Variants in RUNX1T1 observed in about 807,000 individuals in gnomAD.
RUNX1T1 encodes protein CBFA2T1.
RUNX1T1 carries 4 observed loss-of-function variants against 62.8 expected under a neutral mutation model. That is an observed-to-expected ratio of 0.06 (90% CI 0.03 to 0.15). RUNX1T1 has a LOEUF of 0.15. Ranked by LOEUF, RUNX1T1 falls within the 10% of genes least tolerant of loss-of-function variation. The pLI is 1.00. For missense variants in RUNX1T1, 508 were observed against 754.3 expected (o/e 0.67, Z 3.82); for synonymous variants, 291 against 286.0 (o/e 1.02, Z -0.18).
chr8:92,003,008 C>T (rs1195275447), intron 5 of RUNX1T1, among the ~76,000 whole-genome samples: 3 of 152,178 alleles, frequency 2.0e-5, no homozygotes, highest in Middle Eastern at 3.2e-3. Flanking sequence ...ACCCTTCCTC[C>T]TAACTCTAAG....
chr8:92,013,177 G>T (rs1252185464), intron 3 of RUNX1T1, among the ~76,000 whole-genome samples: 2 of 152,078 alleles, frequency 1.3e-5, no homozygotes, highest in African/African-American at 4.8e-5. Context: ...TGTTAAAAAA[G>T]CTTATTATGC....
upstream of RUNX1T1, among the ~76,000 whole-genome samples, chr8:92,101,305 G>A (rs1838023498): frequency 6.6e-6 from 1 of 152,170 alleles, no homozygotes; most frequent in African/African-American, 2.4e-5. Flanking sequence ...GCTCTGGGCA[G>A]ATTAATTAAG....
downstream of RUNX1T1, chr8:91,957,274 G>C (rs1809534686): frequency 4.5e-6 from 1 of 224,650 alleles, no homozygotes; most frequent in Non-Finnish European, 8.9e-6. Flanking sequence ...TTACCAAGAA[G>C]TGATATGGTT....
At chr8:92,074,606 A>G (rs1370247319) in intron 2 of RUNX1T1, among the ~76,000 whole-genome samples, 1 of 152,222 alleles carries the variant, frequency 6.6e-6, no homozygotes, top group African/African-American at 2.4e-5. Flanking sequence ...TATTATTATT[A>G]GATTTTTCCT....
chr8:92,053,987 T>C (rs1316110902), intron 1 of RUNX1T1, among the ~76,000 whole-genome samples: 1 of 152,028 alleles, frequency 6.6e-6, no homozygotes. Flanking sequence ...TAAAAGGTTA[T>C]ACAGAATTCA....
At chr8:91,998,977 T>G (rs1411664086) in intron 5 of RUNX1T1, among the ~76,000 whole-genome samples, 1 of 152,232 alleles carries the variant, frequency 6.6e-6, no homozygotes, top group Non-Finnish European at 1.5e-5. Context: ...TTGAATTATT[T>G]GTTCAATAGT....
chr8:92,101,162 G>A (rs1262710016), upstream of RUNX1T1, among the ~76,000 whole-genome samples: 2 of 152,110 alleles, frequency 1.3e-5, no homozygotes, highest in Non-Finnish European at 2.9e-5. Context: ...AGGAGACTAG[G>A]AGAGGGAAAA....
intron 5 of RUNX1T1, among the ~76,000 whole-genome samples, chr8:91,996,847 C>T (rs377041122): frequency 4.0e-5 from 6 of 151,618 alleles, no homozygotes; most frequent in South Asian, 4.2e-4. Flanking sequence ...TGAGGCTGGA[C>T]GCAGTGGCTC....
At chr8:92,075,804 C>A in intron 2 of RUNX1T1, among the ~76,000 whole-genome samples, 161 bp downstream of exon 2, 2 of 152,098 alleles carry the variant, frequency 1.3e-5, no homozygotes, top group South Asian at 4.2e-4. Flanking sequence ...TCCCCACACC[C>A]AAAGATTTCA....
intron 1 of RUNX1T1, among the ~76,000 whole-genome samples, chr8:92,032,796 C>T (rs1826510358): frequency 6.6e-6 from 1 of 152,002 alleles, no homozygotes; most frequent in African/African-American, 2.4e-5. Context: ...GAAATAGCTC[C>T]ATCAAGTCAA....
chr8:92,032,526 T>C (rs1826457113), intron 1 of RUNX1T1, among the ~76,000 whole-genome samples: 1 of 152,096 alleles, frequency 6.6e-6, no homozygotes, highest in Non-Finnish European at 1.5e-5. Context: ...AAATGTACCA[T>C]AAATAAAGTA....
chr8:92,065,928 C>A (rs1233890138), upstream of RUNX1T1, among the ~76,000 whole-genome samples: 2 of 152,176 alleles, frequency 1.3e-5, no homozygotes, highest in African/African-American at 4.8e-5. Context: ...AAGCAATACA[C>A]CCAACCAAAT....
At chr8:91,980,372 G>A (rs1298696068) in intron 8 of RUNX1T1, among the ~76,000 whole-genome samples, 1 of 152,104 alleles carries the variant, frequency 6.6e-6, no homozygotes, top group Non-Finnish European at 1.5e-5. Flanking sequence ...CTTGTTTGTG[G>A]TTTTCATATT....
intron 1 of RUNX1T1, among the ~76,000 whole-genome samples, chr8:92,038,775 C>G (rs1409501836): frequency 6.6e-6 from 1 of 152,142 alleles, no homozygotes; most frequent in Non-Finnish European, 1.5e-5. Flanking sequence ...TCTGCAAACT[C>G]TGCCCTCGAA....
At chr8:92,062,649 A>T in exon 1 of RUNX1T1, 1 of 1,613,162 alleles carries the variant, frequency 6.2e-7, no homozygotes. Context: ...GGCAGCAGAG[A>T]GGAGGGCCAT....
chr8:92,076,829 T>A (rs904344795), intron 1 of RUNX1T1, among the ~76,000 whole-genome samples: 1 of 152,126 alleles, frequency 6.6e-6, no homozygotes, highest in African/African-American at 2.4e-5. Flanking sequence ...ATTCACAATA[T>A]TTATTGTCTA....
chr8:92,031,724 C>A (rs1030597875), intron 1 of RUNX1T1, among the ~76,000 whole-genome samples: 1 of 152,072 alleles, frequency 6.6e-6, no homozygotes, highest in Non-Finnish European at 1.5e-5. Flanking sequence ...CCTGCCTCGG[C>A]CTTCCAAAAT....
At chr8:92,033,805 A>G (rs924772085) in intron 1 of RUNX1T1, among the ~76,000 whole-genome samples, 1 of 152,054 alleles carries the variant, frequency 6.6e-6, no homozygotes, top group Non-Finnish European at 1.5e-5. Context: ...CCCCGTCTCC[A>G]CTAAAAATAC....
chr8:92,094,450 A>G (rs933822825), intron 1 of RUNX1T1, among the ~76,000 whole-genome samples: 13 of 152,208 alleles, frequency 8.5e-5, no homozygotes, highest in African/African-American at 3.1e-4. Flanking sequence ...TTCATGGTTC[A>G]AATCCAAAAT....
Sources: allele counts gnomAD v4.1 joint callset (sites outside exome capture counted in the v4.1 genomes callset), GRCh38; gene constraint gnomAD v4.1.1; transcripts MANE v1.5; gene names NCBI Gene and HGNC (gene_info 2026-07-23, HGNC 2026-07-21).